Variants in LOC128462377 observed in about 807,000 individuals in gnomAD.
At chr16:89,376,655 T>C in the LOC128462377 span, among the ~76,000 whole-genome samples, 1 of 152,176 alleles carries the variant, frequency 6.6e-6, no homozygotes. Context: ...GCCAGGCTGG[T>C]CTCAAACTTC....
chr16:89,395,505 G>C, the LOC128462377 span, among the ~76,000 whole-genome samples: 8 of 152,236 alleles, frequency 5.3e-5, no homozygotes, highest in African/African-American at 1.9e-4. Context: ...CAGACGCACA[G>C]ACCCACCCGA....
At chr16:89,355,903 G>A in the LOC128462377 span, among the ~76,000 whole-genome samples, 2 of 152,156 alleles carry the variant, frequency 1.3e-5, no homozygotes, top group Non-Finnish European at 2.9e-5. Context: ...GCTCCCCCCA[G>A]CACAGCTCGG....
the LOC128462377 span, among the ~76,000 whole-genome samples, chr16:89,388,296 T>TTTTTTTTTC: frequency 1.7e-4 from 22 of 132,212 alleles, no homozygotes; most frequent in Admixed American, 3.0e-4. Flanking sequence ...GAGGCTGATT[T>TTTTTTTTTC]TTTTTTTTTT....
the LOC128462377 span, among the ~76,000 whole-genome samples, chr16:89,407,361 A>G: frequency 2.0e-5 from 3 of 152,188 alleles, no homozygotes; most frequent in Non-Finnish European, 4.4e-5. Context: ...CCAGAGGTTT[A>G]AAGAAAGAGA....
chr16:89,413,557 G>A, the LOC128462377 span, among the ~76,000 whole-genome samples: 4 of 152,120 alleles, frequency 2.6e-5, no homozygotes, highest in African/African-American at 7.2e-5. Context: ...CCCGGGAGGC[G>A]GAGCTTGCAG....
the LOC128462377 span, chr16:89,323,032 CG>C: frequency 3.3e-6 from 1 of 307,250 alleles, no homozygotes; most frequent in East Asian, 1.1e-4. Context: ...TCTGTGGAGT[CG>C]GGTTTCGCCA....
chr16:89,324,569 C>T, the LOC128462377 span: 3,275 of 454,436 alleles, frequency 7.2e-3, 81 homozygotes, highest in African/African-American at 0.059. Flanking sequence ...ACGAACCCTC[C>T]ATCTGGGGGG....
At chr16:89,384,879 C>CTTTTTTTTTTTTT in the LOC128462377 span, among the ~76,000 whole-genome samples, 279 of 49,928 alleles carry the variant, frequency 5.6e-3, 46 homozygotes, top group South Asian at 0.015. Context: ...AAATAGTTTT[C>CTTTTTTTTTTTTT]TTTTTTTTTT....
At chr16:89,334,567 T>C in the LOC128462377 span, among the ~76,000 whole-genome samples, 3 of 152,018 alleles carry the variant, frequency 2.0e-5, no homozygotes, top group African/African-American at 7.3e-5. Context: ...CGGCATGCTA[T>C]GGGGCCATGA....
chr16:89,384,800 CCAA>C, the LOC128462377 span, among the ~76,000 whole-genome samples: 4 of 151,316 alleles, frequency 2.6e-5, no homozygotes, highest in East Asian at 1.9e-4. Context: ...ACTAGACAGC[CCAA>C]CAACAGAACC....
At chr16:89,399,296 A>G in the LOC128462377 span, among the ~76,000 whole-genome samples, 1 of 152,212 alleles carries the variant, frequency 6.6e-6, no homozygotes, top group Non-Finnish European at 1.5e-5. Context: ...AGACACTCAT[A>G]GGTGAGTGGA....
chr16:89,359,157 GA>G, the LOC128462377 span, among the ~76,000 whole-genome samples: 10 of 149,416 alleles, frequency 6.7e-5, no homozygotes, highest in Admixed American at 1.3e-4. Context: ...GATTCTGGAA[GA>G]AAAAAAAAAT....
the LOC128462377 span, among the ~76,000 whole-genome samples, chr16:89,381,354 A>AAAAAAAAAAAG: frequency 5.6e-5 from 7 of 125,340 alleles, no homozygotes; most frequent in African/African-American, 2.3e-4. Flanking sequence ...AAAAAAAAAA[A>AAAAAAAAAAAG]GGGGTGAGAA....
chr16:89,374,349 T>TA, the LOC128462377 span, among the ~76,000 whole-genome samples: 1 of 150,608 alleles, frequency 6.6e-6, no homozygotes, highest in African/African-American at 2.4e-5. Flanking sequence ...AAAAAAATAA[T>TA]AATAATAATA....
At chr16:89,389,185 ATTT>A in the LOC128462377 span, among the ~76,000 whole-genome samples, 2 of 146,576 alleles carry the variant, frequency 1.4e-5, no homozygotes, top group African/African-American at 5.0e-5. Flanking sequence ...CGTCTGGCTA[ATTT>A]TTTTTTTTTT....
At chr16:89,335,317 G>C in the LOC128462377 span, among the ~76,000 whole-genome samples, 1 of 152,198 alleles carries the variant, frequency 6.6e-6, no homozygotes, top group South Asian at 2.1e-4. Flanking sequence ...GCTGCACAGA[G>C]GGCTCCAGTT....
chr16:89,340,393 G>A, the LOC128462377 span, among the ~76,000 whole-genome samples: 1 of 152,188 alleles, frequency 6.6e-6, no homozygotes, highest in Non-Finnish European at 1.5e-5. Context: ...TTCTCCTGCA[G>A]CCCCCTGAGT....
the LOC128462377 span, among the ~76,000 whole-genome samples, chr16:89,319,491 C>G: frequency 6.6e-6 from 1 of 152,232 alleles, no homozygotes; most frequent in Non-Finnish European, 1.5e-5. Flanking sequence ...AGACGTTTCT[C>G]CAGCCACCTG....
the LOC128462377 span, among the ~76,000 whole-genome samples, chr16:89,317,282 G>A: frequency 6.6e-6 from 1 of 152,350 alleles, no homozygotes; most frequent in Non-Finnish European, 1.5e-5. Flanking sequence ...TGGCAGCTTT[G>A]AGCAGGAAGG....
Sources: gnomAD v4.1 joint callset for allele counts (sites outside exome capture counted in the v4.1 genomes callset) on GRCh38, gnomAD v4.1.1 for gene constraint, MANE v1.5 for transcripts.